The following TTLL5 variants were observed in gnomAD, a reference collection of about 807,000 sequenced individuals.
TTLL5 encodes tubulin tyrosine ligase like 5, also known as tubulin polyglutamylase TTLL5.
TTLL5 carries 132 observed loss-of-function variants against 168.4 expected under a neutral mutation model. That is an observed-to-expected ratio of 0.78 (90% CI 0.68 to 0.91). The LOEUF is 0.91. TTLL5 is among the 40% of genes least tolerant of loss of function. The pLI, the probability that TTLL5 is intolerant of heterozygous loss-of-function variation, is 0.00. For missense variants in TTLL5, 1,545 were observed against 1,581.5 expected, an observed-to-expected ratio of 0.98 and a Z score of 0.39; for synonymous variants, 546 against 558.6, an observed-to-expected ratio of 0.98 and a Z score of 0.32.
chr14:75,694,752 A>G (rs1377856338), intron 6 of TTLL5, among the ~76,000 whole-genome samples: 2 of 152,148 alleles, frequency 1.3e-5, no homozygotes, highest in African/African-American at 4.8e-5. Context: ...TACTTTTATA[A>G]TTTCTTACGC....
chr14:75,934,879 C>G (rs1315762381), intron 31 of TTLL5, among the ~76,000 whole-genome samples: 2 of 152,080 alleles, frequency 1.3e-5, no homozygotes, highest in Admixed American at 6.5e-5. Flanking sequence ...ATGCAGTGCA[C>G]CATAATACCC....
At chr14:75,867,689 G>A (rs1372342710) in intron 29 of TTLL5, among the ~76,000 whole-genome samples, 3 of 151,928 alleles carry the variant, frequency 2.0e-5, no homozygotes, top group African/African-American at 7.3e-5. Context: ...GAACCCGGGA[G>A]GCGGAGGTTG....
At chr14:75,787,218 ATTT>A (rs1027778239) in intron 26 of TTLL5, among the ~76,000 whole-genome samples, 4 of 152,192 alleles carry the variant, frequency 2.6e-5, no homozygotes, top group African/African-American at 9.7e-5. Flanking sequence ...AACTTGACAG[ATTT>A]TTAAAGTTTA....
intron 28 of TTLL5, among the ~76,000 whole-genome samples, chr14:75,851,646 C>A (rs1432026881): frequency 6.6e-6 from 1 of 152,146 alleles, no homozygotes; most frequent in Non-Finnish European, 1.5e-5. Flanking sequence ...TAGGAAAGTC[C>A]CCTCCAGCAG....
rs541988234 is a variant in TTLL5 at position 75,852,459 on chromosome 14, G to A, written c.3327-11208G>A. On this transcript the variant is annotated intron_variant, in intron 28 of 31. Transcript: ENST00000298832. ...GAGACCAGCTTGCACTTACAATTTCGTGTAGTTATGTGCTTTTGACCTAGC... is the reference window on the plus strand; with the variant it reads ...GAGACCAGCTTGCACTTACAATTTCATGTAGTTATGTGCTTTTGACCTAGC... Among the ~76,000 whole-genome samples the A allele has an allele frequency of 8.5e-5, 13 of 152,170 alleles. No individual in the cohort carries two copies. In the South Asian group the frequency reaches 1.5e-3, roughly 17 times the overall value.
chr14:75,857,225 T>C (rs895063599), intron 28 of TTLL5, among the ~76,000 whole-genome samples: 1 of 152,220 alleles, frequency 6.6e-6, no homozygotes, highest in Non-Finnish European at 1.5e-5. Flanking sequence ...GTCAAATGCA[T>C]TTCATGTCTA....
chr14:75,682,278 C>G (rs969565931), intron 4 of TTLL5, among the ~76,000 whole-genome samples: 3 of 151,624 alleles, frequency 2.0e-5, no homozygotes, highest in African/African-American at 7.3e-5. Flanking sequence ...GCTGAAAAGG[C>G]AGGCCTTTGG....
chr14:75,717,141 C>T (rs1054866985), intron 9 of TTLL5, among the ~76,000 whole-genome samples: 5 of 151,632 alleles, frequency 3.3e-5, no homozygotes, highest in African/African-American at 7.3e-5. Flanking sequence ...GGCACTCAGT[C>T]GGTGTTTCTG....
chr14:75,698,539 A>G (rs1012197600), intron 6 of TTLL5, among the ~76,000 whole-genome samples: 5 of 152,202 alleles, frequency 3.3e-5, no homozygotes, highest in South Asian at 2.1e-4. Flanking sequence ...AAGATTCATG[A>G]TGATTCTTTG....
chr14:75,757,926 C>T, intron 18 of TTLL5: 1 of 1,500,500 alleles, frequency 6.7e-7, no homozygotes, highest in Non-Finnish European at 8.9e-7. Context: ...TGTGACCATG[C>T]ACAGACTAAG....
Position 75,669,396 on chromosome 14 carries a change from A to C in TTLL5, c.75-20A>C. On this transcript the variant is annotated intron_variant, in intron 2 of 31. Transcript: ENST00000298832. ...CAGGTTTTGAGCTGTAAATTAATGA[A>C]GGCTTTTTTGTCGTTATAGGGATCA... 6.2e-7 allele frequency: 1 copy of C among 1,601,722 alleles called. No homozygotes were observed. The highest frequency in any genetic ancestry group is 1.1e-5 in the South Asian group (1 of 90,340).
intron 28 of TTLL5, among the ~76,000 whole-genome samples, chr14:75,834,340 A>G (rs1895759374): frequency 6.6e-6 from 1 of 152,106 alleles, no homozygotes; most frequent in South Asian, 2.1e-4. Flanking sequence ...AAAGTTGAAA[A>G]GTTAAAGTGC....
chr14:75,782,728 A>G (rs1013543954), intron 25 of TTLL5, among the ~76,000 whole-genome samples, 155 bp downstream of exon 25: 1 of 152,194 alleles, frequency 6.6e-6, no homozygotes, highest in South Asian at 2.1e-4. Context: ...TCTCTTATCT[A>G]TTGATAAGCT....
chr14:75,843,666 G>A (rs149288184), intron 28 of TTLL5, among the ~76,000 whole-genome samples: 113 of 152,282 alleles, frequency 7.4e-4, no homozygotes, highest in African/African-American at 2.4e-3. Flanking sequence ...TGCCTCATCT[G>A]TAACATGAGG....
At chr14:75,803,602 C>T (rs1239925347) in intron 27 of TTLL5, among the ~76,000 whole-genome samples, 1 of 152,098 alleles carries the variant, frequency 6.6e-6, no homozygotes, top group East Asian at 1.9e-4. Context: ...TTCCCTTGGC[C>T]CAAGAGAGGC....
At chr14:75,831,570 G>A (rs1318479786) in intron 28 of TTLL5, among the ~76,000 whole-genome samples, 1 of 152,128 alleles carries the variant, frequency 6.6e-6, no homozygotes, top group Admixed American at 6.5e-5. Context: ...TAGAGCTGCT[G>A]TAACTCTGGG....
intron 15 of TTLL5, among the ~76,000 whole-genome samples, chr14:75,742,626 C>T (rs957594965): frequency 4.6e-5 from 7 of 152,148 alleles, no homozygotes; most frequent in African/African-American, 1.7e-4. Context: ...GAACTCCTGA[C>T]CTCAGGTGAT....
intron 30 of TTLL5, chr14:75,887,416 G>A: frequency 1.3e-6 from 1 of 775,542 alleles, no homozygotes; most frequent in Non-Finnish European, 1.6e-6. Context: ...ATACCATATT[G>A]TGTGTTAACC....
intron 24 of TTLL5, among the ~76,000 whole-genome samples, chr14:75,781,715 G>A (rs1305132207): frequency 6.6e-6 from 1 of 152,158 alleles, no homozygotes; most frequent in Admixed American, 6.5e-5. Flanking sequence ...AGCACTTTGG[G>A]AAGCTGAGGC....
Sources: allele counts gnomAD v4.1 joint callset (sites outside exome capture counted in the v4.1 genomes callset), GRCh38; gene constraint gnomAD v4.1.1; transcripts MANE v1.5; gene names NCBI Gene and HGNC (gene_info 2026-07-23, HGNC 2026-07-21).